Variants in AUTS2 observed in about 807,000 individuals in gnomAD.
AUTS2 encodes the protein activator of transcription and developmental regulator AUTS2, also known as autism susceptibility gene 2 protein.
In AUTS2, 17 loss-of-function variants were observed where a neutral mutation model predicts 112.4. The observed-to-expected ratio is 0.15, with a 90% CI of 0.10 to 0.23. The LOEUF (loss-of-function observed/expected upper bound fraction) is 0.23. Ranked by LOEUF, AUTS2 falls within the 10% of genes least tolerant of loss-of-function variation. The probability of loss-of-function intolerance (pLI) is 1.00; values close to 1 mark genes in which losing one functional copy is unlikely to be tolerated. For missense variants in AUTS2, 1,510 were observed against 1,701.6 expected (o/e 0.89, Z 1.98); for synonymous variants, 751 against 702.7 (o/e 1.07, Z -1.09).
At chr7:70,240,033 T>C (rs1812528688) in intron 4 of AUTS2, among the ~76,000 whole-genome samples, 2 of 152,086 alleles carry the variant, frequency 1.3e-5, no homozygotes, top group African/African-American at 4.8e-5. Context: ...GAGTGCAGAA[T>C]AAGGAGGAGA....
At chr7:70,543,710 G>A (rs570522293) in intron 5 of AUTS2, among the ~76,000 whole-genome samples, 1 of 152,242 alleles carries the variant, frequency 6.6e-6, no homozygotes, top group Non-Finnish European at 1.5e-5. Context: ...CAGGAGCCAT[G>A]GGCCTCCTCC....
chr7:69,798,661 A>G (rs1789954659), intron 1 of AUTS2, among the ~76,000 whole-genome samples: 1 of 152,186 alleles, frequency 6.6e-6, no homozygotes, highest in South Asian at 2.1e-4. Context: ...ATAAATTATT[A>G]TTGGTATTAC....
chr7:69,808,007 G>A (rs1248196743), intron 1 of AUTS2, among the ~76,000 whole-genome samples: 4 of 145,642 alleles, frequency 2.7e-5, no homozygotes, highest in East Asian at 4.0e-4. Flanking sequence ...GCAGTGGCAC[G>A]ATCTCCCAGG....
intron 4 of AUTS2, among the ~76,000 whole-genome samples, chr7:70,311,477 A>G (rs1789746711): frequency 1.3e-5 from 2 of 152,216 alleles, no homozygotes; most frequent in Admixed American, 6.5e-5. Context: ...AGTAGGGTAT[A>G]ACTCCTCTGA....
intron 1 of AUTS2, among the ~76,000 whole-genome samples, chr7:69,760,273 G>A (rs903894896): frequency 2.7e-5 from 4 of 145,664 alleles, no homozygotes; most frequent in Non-Finnish European, 6.0e-5. Context: ...GGCCTCAAGC[G>A]ATCCTCCCAT....
chr7:69,722,028 A>G, intron 1 of AUTS2, among the ~76,000 whole-genome samples: 1 of 91,978 alleles, frequency 1.1e-5, no homozygotes, highest in South Asian at 3.5e-4. Context: ...GCAATATCCA[A>G]AAGAGAGTGC....
chr7:70,480,533 G>T (rs1203658834), intron 5 of AUTS2, among the ~76,000 whole-genome samples: 1 of 152,136 alleles, frequency 6.6e-6, no homozygotes, highest in African/African-American at 2.4e-5. Flanking sequence ...ATCCATAAGG[G>T]GAATGCACCT....
At chr7:70,332,127 A>C (rs1190626210) in intron 4 of AUTS2, among the ~76,000 whole-genome samples, 1 of 152,250 alleles carries the variant, frequency 6.6e-6, no homozygotes, top group African/African-American at 2.4e-5. Context: ...CAGGATACAA[A>C]ATCAATGTGC....
chr7:70,340,102 A>G (rs911045826), intron 4 of AUTS2, among the ~76,000 whole-genome samples: 5 of 151,826 alleles, frequency 3.3e-5, no homozygotes, highest in Admixed American at 6.6e-5. Flanking sequence ...ATACATACAT[A>G]GTACTACACT....
intron 6 of AUTS2, among the ~76,000 whole-genome samples, chr7:70,721,313 T>TGTGTGTGTGTG (rs1563151700): frequency 1.5e-4 from 22 of 151,242 alleles, no homozygotes; most frequent in East Asian, 5.9e-4. Context: ...TGTGTGTGTG[T>TGTGTGTGTGTG]TTCCGATGGA....
chr7:70,203,362 AG>A (rs1261161556), intron 4 of AUTS2, among the ~76,000 whole-genome samples: 13 of 146,980 alleles, frequency 8.8e-5, no homozygotes, highest in East Asian at 2.0e-4. Context: ...AAAAAAAAAA[AG>A]AAGTTTACGG....
chr7:70,329,540 T>G (rs1790649340), intron 4 of AUTS2, among the ~76,000 whole-genome samples: 2 of 151,864 alleles, frequency 1.3e-5, no homozygotes, highest in South Asian at 4.2e-4. Flanking sequence ...GTTGAGCATC[T>G]TTTCATGTTT....
At chr7:70,776,429 G>A (rs1481947246) in intron 13 of AUTS2, among the ~76,000 whole-genome samples, 1 of 152,180 alleles carries the variant, frequency 6.6e-6, no homozygotes, top group African/African-American at 2.4e-5. Flanking sequence ...CCCAGAGGGT[G>A]GAGGATGGAC....
intron 1 of AUTS2, among the ~76,000 whole-genome samples, chr7:69,849,444 G>C (rs1242622440): frequency 6.6e-6 from 1 of 152,090 alleles, no homozygotes; most frequent in Non-Finnish European, 1.5e-5. Context: ...CATCACTGCA[G>C]TAAAAGCACA....
intron 5 of AUTS2, among the ~76,000 whole-genome samples, chr7:70,603,200 C>G (rs111674161): frequency 1.4e-5 from 2 of 147,252 alleles, no homozygotes; most frequent in African/African-American, 5.0e-5. Context: ...GGCATTTTGT[C>G]CCATTACCCC....
rs77538379 is a variant in AUTS2 at position 69,739,956 on chromosome 7, A to G, written c.309+139994A>G. 8.5e-5 allele frequency among the ~76,000 whole-genome samples: 13 copies of G among 152,326 alleles called. No homozygotes were observed. In the East Asian group the frequency reaches 2.5e-3, roughly 29 times the overall value. ...CCTCAGTGTCACAACCAGCTAATGA[A>G]GGAGAGGACTGCTAAACTCCCAGTG... On this transcript the variant is annotated intron_variant, in intron 1 of 18. Coordinates refer to ENST00000342771, the MANE Select transcript of AUTS2 (RefSeq NM_015570.4).
chr7:70,180,524 T>C (rs1479704594), intron 4 of AUTS2, among the ~76,000 whole-genome samples: 1 of 152,252 alleles, frequency 6.6e-6, no homozygotes, highest in Admixed American at 6.5e-5. Flanking sequence ...CATTTGTTTT[T>C]AATTACAGTC....
chr7:69,759,870 A>T (rs1021956299), intron 1 of AUTS2, among the ~76,000 whole-genome samples: 2 of 144,068 alleles, frequency 1.4e-5, no homozygotes, highest in South Asian at 4.5e-4. Flanking sequence ...TTTACTGGCC[A>T]TAAAGGTTCA....
chr7:70,157,780 G>A (rs982241808), intron 4 of AUTS2, among the ~76,000 whole-genome samples: 6 of 151,554 alleles, frequency 4.0e-5, no homozygotes, highest in Non-Finnish European at 8.8e-5. Flanking sequence ...GTCCTCAGGG[G>A]CTGGATTTTT....
Sources: allele counts gnomAD v4.1 joint callset (sites outside exome capture counted in the v4.1 genomes callset), GRCh38; gene constraint gnomAD v4.1.1; transcripts MANE v1.5; gene names NCBI Gene and HGNC (gene_info 2026-07-23, HGNC 2026-07-21).